UCHL3: variants seen among roughly 807,000 people sequenced by gnomAD.
UCHL3 encodes the protein ubiquitin carboxyl-terminal hydrolase isozyme L3.
Under a neutral mutation model 35.8 loss-of-function variants are expected in UCHL3, and 22 were observed. The observed-to-expected ratio is 0.61, with a 90% CI of 0.44 to 0.88. The LOEUF (loss-of-function observed/expected upper bound fraction) is 0.88, where lower values mean the gene tolerates loss of function less well. UCHL3 is among the 40% of genes least tolerant of loss of function. The pLI, the probability that UCHL3 is intolerant of heterozygous loss-of-function variation, is 0.00. For synonymous variants in UCHL3, 90 were observed against 92.8 expected, an observed-to-expected ratio of 0.97 and a Z score of 0.17; for missense variants, 229 against 276.9, an observed-to-expected ratio of 0.83 and a Z score of 1.23.
intron 6 of UCHL3, chr13:75,590,177 C>CTT (rs35178906): frequency 0.012 from 13,730 of 1,119,894 alleles, 8 homozygotes; most frequent in African/African-American, 0.024. Flanking sequence ...CAAGGGCTGT[C>CTT]TTTTTTTTTT....
chr13:75,602,073 T>A (rs1353292397), intron 7 of UCHL3, among the ~76,000 whole-genome samples: 2 of 151,822 alleles, frequency 1.3e-5, no homozygotes, highest in Non-Finnish European at 2.9e-5. Flanking sequence ...TGTGCCACTG[T>A]ACTCTAGCCT....
intron 6 of UCHL3, among the ~76,000 whole-genome samples, chr13:75,579,375 T>G (rs994341583): frequency 3.9e-5 from 6 of 152,118 alleles, no homozygotes; most frequent in African/African-American, 1.4e-4. Flanking sequence ...TTTCTTTATT[T>G]CAACATGACT....
At chr13:75,576,217 C>T (rs192137555) in intron 6 of UCHL3, among the ~76,000 whole-genome samples, 1 of 152,028 alleles carries the variant, frequency 6.6e-6, no homozygotes, top group Non-Finnish European at 1.5e-5. Context: ...AATTTTATTT[C>T]TTTTTTCTTT....
intron 7 of UCHL3, among the ~76,000 whole-genome samples, chr13:75,599,025 T>C (rs2032712775): frequency 6.6e-6 from 1 of 152,208 alleles, no homozygotes; most frequent in African/African-American, 2.4e-5. Flanking sequence ...ACTTGGCCTT[T>C]GAAAGGAACC....
intron 5 of UCHL3, among the ~76,000 whole-genome samples, chr13:75,568,269 C>T (rs780731674): frequency 2.9e-4 from 44 of 151,818 alleles, no homozygotes; most frequent in Admixed American, 6.6e-4. Context: ...TAGAACAATG[C>T]CTTATGTAGA....
intron 3 of UCHL3, 29 bp from the exon 4 acceptor site, chr13:75,566,666 A>G (rs1009218017): frequency 7.8e-7 from 1 of 1,283,562 alleles, no homozygotes; most frequent in Admixed American, 3.8e-5. Flanking sequence ...TTTTCCACAA[A>G]TACACTGTTG....
intron 2 of UCHL3, among the ~76,000 whole-genome samples, chr13:75,558,474 C>T (rs569228612): frequency 7.3e-4 from 111 of 152,276 alleles, no homozygotes; most frequent in African/African-American, 2.5e-3. Context: ...TATGTACCAT[C>T]GTGTTTTATA....
chr13:75,604,764 C>T lies in UCHL3; in HGVS notation c.551-5C>T. 5 of 1,592,968 alleles carry T rather than the reference C, an allele frequency of 3.1e-6. No individual in the cohort carries two copies. Among genetic ancestry groups the T allele is most frequent in the Non-Finnish European group, 4.3e-6 (5 of 1,170,080 alleles). On this transcript the variant is annotated splice_polypyrimidine_tract_variant and splice_region_variant and intron_variant, in intron 7 of 8. Transcript: ENST00000377595. ...AGCATTCAATTGTTTGTCTGTTTTC[C>T]ACAGATGGGCGGAAGCCATTTCCAA... is the stretch of plus-strand genomic sequence containing the variant.
intron 7 of UCHL3, among the ~76,000 whole-genome samples, chr13:75,599,035 C>T (rs1485060494): frequency 2.0e-5 from 3 of 152,090 alleles, no homozygotes; most frequent in Admixed American, 6.5e-5. Context: ...TGAAAGGAAC[C>T]CCTTCAAACT....
At chr13:75,562,726 G>A (rs979166725) in intron 3 of UCHL3, among the ~76,000 whole-genome samples, 4 of 152,054 alleles carry the variant, frequency 2.6e-5, no homozygotes, top group African/African-American at 9.7e-5. Context: ...CTTATCAATA[G>A]GATTTAATTT....
At chr13:75,551,065 C>T (rs956447950) in intron 2 of UCHL3, among the ~76,000 whole-genome samples, 18 of 152,124 alleles carry the variant, frequency 1.2e-4, no homozygotes, top group African/African-American at 4.3e-4. Flanking sequence ...TGACTTTTCG[C>T]AAATGATTTT....
rs144299419 is a variant in UCHL3, at chr13:75,561,084, C to T, written c.183+203C>T. On this transcript the variant is annotated intron_variant, in intron 3 of 8. Coordinates refer to ENST00000377595, the MANE Select transcript of UCHL3 (RefSeq NM_006002.5). ...TAGCTGGGACCACAGGCATGTTCCA[C>T]CACACCTAGCTGATGCTTGTGTTTT... Among the ~76,000 whole-genome samples the T allele has an allele frequency of 2.7e-3, 409 of 152,244 alleles. 1 individual carries two copies. Among genetic ancestry groups the T allele is most frequent in the African/African-American group, 9.0e-3 (373 of 41,546 alleles).
intron 5 of UCHL3, among the ~76,000 whole-genome samples, chr13:75,568,716 G>T (rs992726168): frequency 6.6e-6 from 1 of 151,700 alleles, no homozygotes; most frequent in Non-Finnish European, 1.5e-5. Context: ...GTACATCATT[G>T]TAGCTAAATC....
At chr13:75,571,021 A>C (rs2031839161) in intron 6 of UCHL3, among the ~76,000 whole-genome samples, 3 of 152,340 alleles carry the variant, frequency 2.0e-5, no homozygotes, top group Non-Finnish European at 4.4e-5. Flanking sequence ...CCCGTCTAAA[A>C]GTTTTTAACA....
intron 2 of UCHL3, among the ~76,000 whole-genome samples, chr13:75,552,101 T>C (rs973122): frequency 0.99 from 150,873 of 152,298 alleles, 74,749 homozygotes; most frequent in Middle Eastern, 1. Flanking sequence ...TGATTGTACA[T>C]TATATCTGGC....
At chr13:75,592,537 T>A (rs1372153973) in intron 6 of UCHL3, among the ~76,000 whole-genome samples, 1 of 145,426 alleles carries the variant, frequency 6.9e-6, no homozygotes, top group Non-Finnish European at 1.5e-5. Flanking sequence ...TCTTGGTCAT[T>A]TTTTGAAACA....
intron 7 of UCHL3, among the ~76,000 whole-genome samples, chr13:75,597,474 T>A (rs2032673114): frequency 6.6e-6 from 1 of 152,074 alleles, no homozygotes; most frequent in African/African-American, 2.4e-5. Context: ...TTCAACCAAC[T>A]GTGGATTGAA....
chr13:75,565,213 A>C (rs1275186483), intron 3 of UCHL3, among the ~76,000 whole-genome samples: 1 of 151,794 alleles, frequency 6.6e-6, no homozygotes, highest in East Asian at 1.9e-4. Context: ...ATCAAATCTT[A>C]TTTTGCTTTG....
chr13:75,592,458 A>ATGTATATATG (rs2032533467), intron 6 of UCHL3, among the ~76,000 whole-genome samples: 1 of 117,616 alleles, frequency 8.5e-6, no homozygotes, highest in Non-Finnish European at 1.8e-5. Flanking sequence ...ATATATATAT[A>ATGTATATATG]TATATATATG....
Sources: allele counts gnomAD v4.1 joint callset (sites outside exome capture counted in the v4.1 genomes callset), GRCh38; gene constraint gnomAD v4.1.1; transcripts MANE v1.5; gene names NCBI Gene and HGNC (gene_info 2026-07-23, HGNC 2026-07-21).